Variants in XIRP2 observed in about 807,000 individuals in gnomAD.
XIRP2 encodes xin actin-binding repeat-containing protein 2.
XIRP2 carries 236 observed loss-of-function variants against 277.0 expected under a neutral mutation model. That is an observed-to-expected ratio of 0.85 (90% confidence interval 0.77 to 0.95). The LOEUF (loss-of-function observed/expected upper bound fraction) is 0.95. Among genes scored for constraint, XIRP2 ranks in the 40% least tolerant of loss-of-function variants. XIRP2 has a pLI of 0.00. For synonymous variants in XIRP2, 1,490 were observed against 1,416.5 expected (o/e 1.05, Z -1.17); for missense variants, 4,640 against 4,157.5 (o/e 1.12, Z -3.19).
chr2:167,038,166 G>A (rs1243007050), intron 2 of XIRP2, among the ~76,000 whole-genome samples: 1 of 151,760 alleles, frequency 6.6e-6, no homozygotes, highest in East Asian at 1.9e-4. Flanking sequence ...GTGCATTTTT[G>A]AATAAAAAAT....
At chr2:167,221,735 G>T (rs2105405067) in intron 5 of XIRP2, among the ~76,000 whole-genome samples, 1 of 152,174 alleles carries the variant, frequency 6.6e-6, no homozygotes, top group South Asian at 2.1e-4. Flanking sequence ...TGTCAATTCT[G>T]ATAGTGTTTT....
At chr2:166,925,806 C>G (rs1195665113) in intron 2 of XIRP2, among the ~76,000 whole-genome samples, 2 of 151,586 alleles carry the variant, frequency 1.3e-5, no homozygotes, top group Non-Finnish European at 2.9e-5. Flanking sequence ...GCTTACCCCT[C>G]TAATCCCAAC....
chr2:166,944,936 G>A (rs1211975062), intron 2 of XIRP2, among the ~76,000 whole-genome samples: 1 of 69,418 alleles, frequency 1.4e-5, no homozygotes, highest in Non-Finnish European at 2.9e-5. Context: ...GGTTCCTGAG[G>A]TATCTTCCAG....
intron 3 of XIRP2, among the ~76,000 whole-genome samples, chr2:167,196,117 C>A (rs1206557113): frequency 6.6e-6 from 1 of 152,106 alleles, no homozygotes. Context: ...TCACCTTTAA[C>A]TGACTCTTTA....
At chr2:167,130,861 C>G (rs942652613) in intron 2 of XIRP2, among the ~76,000 whole-genome samples, 5 of 152,038 alleles carry the variant, frequency 3.3e-5, no homozygotes, top group Admixed American at 6.6e-5. Flanking sequence ...ATTGCCCAAA[C>G]TAGAACTATG....
intron 3 of XIRP2, among the ~76,000 whole-genome samples, chr2:167,176,724 A>T (rs936107809): frequency 3.3e-5 from 5 of 152,300 alleles, no homozygotes; most frequent in Middle Eastern, 3.4e-3. Context: ...CAGATTAGCT[A>T]TGTATCAGTT....
intron 2 of XIRP2, among the ~76,000 whole-genome samples, chr2:167,015,418 T>TTATCTGTC (rs1553478320): frequency 1.4e-5 from 2 of 147,148 alleles, no homozygotes; most frequent in South Asian, 2.2e-4. Flanking sequence ...TATCTGTCTT[T>TTATCTGTC]TATCTATCTA....
Position 166,889,113 on chromosome 2 carries a change from A to C in XIRP2, c.-19+556A>C, listed in dbSNP as rs187331712. ...CACACAGACCAGGGTGGTTGTTGCA[A>C]ACCCCTCAGCAGCTGCCTCCTGGCA... On this transcript the variant is annotated intron_variant, in intron 1 of 10. Transcript: ENST00000409195. 4.6e-5 allele frequency among the ~76,000 whole-genome samples: 7 copies of C among 152,250 alleles called. No individual in the cohort carries two copies. The East Asian group carries it at 1.4e-3, about 29-fold the overall frequency.
In XIRP2 at chr2:167,218,319, A is replaced by T. The variant is rs1175126853; in HGVS notation, c.858+19A>T. The T allele has an allele frequency of 7.0e-7, 1 of 1,437,212 alleles. No individual in the cohort carries two copies. The highest frequency in any genetic ancestry group is 2.4e-5 in the Admixed American group (1 of 41,346). 89.0% of individuals were successfully genotyped at this position (1,437,212 alleles called of 1,614,324 possible). A position where few individuals can be genotyped will look rare whatever the true frequency, so the allele number is the denominator to read the frequency against. ...TGAGCAGGTAATACTACTACAGGTG[A>T]TGGGTAAATCAGGCATGGTTGAAAT... On this transcript the variant is annotated intron_variant, in intron 5 of 10. Coordinates refer to ENST00000409195, the MANE Select transcript of XIRP2 (RefSeq NM_152381.6).
At chr2:167,079,776 T>C (rs1453307275) in intron 2 of XIRP2, among the ~76,000 whole-genome samples, 2 of 152,018 alleles carry the variant, frequency 1.3e-5, no homozygotes, top group Non-Finnish European at 2.9e-5. Context: ...CTTATCCTTC[T>C]AAAAACCAAC....
chr2:167,099,778 G>C (rs1202365385), intron 2 of XIRP2, among the ~76,000 whole-genome samples: 1 of 151,996 alleles, frequency 6.6e-6, no homozygotes, highest in African/African-American at 2.4e-5. Flanking sequence ...CTGACCCCTT[G>C]TGCTTCCCGG....
At chr2:167,189,375 C>A (rs2105364600) in intron 3 of XIRP2, among the ~76,000 whole-genome samples, 1 of 152,274 alleles carries the variant, frequency 6.6e-6, no homozygotes, top group Non-Finnish European at 1.5e-5. Flanking sequence ...TAGAACAGGG[C>A]AGACACTTAA....
At chr2:167,095,392 G>A (rs112693635) in intron 2 of XIRP2, among the ~76,000 whole-genome samples, 4,760 of 152,120 alleles carry the variant, frequency 0.031, 86 homozygotes, top group East Asian at 0.05. Flanking sequence ...TTCTTGTGCC[G>A]GTTTTCAAAG....
chr2:167,109,608 C>G (rs978553371), intron 2 of XIRP2, among the ~76,000 whole-genome samples: 1 of 151,974 alleles, frequency 6.6e-6, no homozygotes, highest in Non-Finnish European at 1.5e-5. Context: ...ACCAGTCTAA[C>G]GTTCATGGGC....
chr2:167,201,238 GAA>G (rs1471867117), intron 3 of XIRP2, among the ~76,000 whole-genome samples: 29 of 99,144 alleles, frequency 2.9e-4, no homozygotes, highest in African/African-American at 1.7e-3. Context: ...AAGAAAGAAA[GAA>G]AGAAAGAAAG....
intron 3 of XIRP2, among the ~76,000 whole-genome samples, chr2:167,181,925 A>G (rs1028078105): frequency 1.3e-5 from 2 of 152,042 alleles, no homozygotes; most frequent in Non-Finnish European, 2.9e-5. Context: ...TTATGCCATT[A>G]TGTTGGCATA....
chr2:166,958,276 T>A (rs1223555537), intron 2 of XIRP2, among the ~76,000 whole-genome samples: 1 of 151,792 alleles, frequency 6.6e-6, no homozygotes, highest in Non-Finnish European at 1.5e-5. Context: ...AATTAGATAT[T>A]TATGCAGCAG....
At chr2:167,086,432 C>T (rs1320549746) in intron 2 of XIRP2, among the ~76,000 whole-genome samples, 1 of 152,014 alleles carries the variant, frequency 6.6e-6, no homozygotes, top group Non-Finnish European at 1.5e-5. Context: ...TGGAGTTGCT[C>T]TTCTCAAGGA....
At chr2:167,197,387 T>C (rs550137176) in intron 3 of XIRP2, among the ~76,000 whole-genome samples, 1 of 152,226 alleles carries the variant, frequency 6.6e-6, no homozygotes, top group South Asian at 2.1e-4. Context: ...TCAAGACAAA[T>C]TCATTCAACA....
Sources: gnomAD v4.1 joint callset for allele counts (sites outside exome capture counted in the v4.1 genomes callset) on GRCh38, gnomAD v4.1.1 for gene constraint, MANE v1.5 for transcripts, NCBI Gene and HGNC (gene_info 2026-07-23, HGNC 2026-07-21) for gene names.